The following NELL1 variants were observed in gnomAD, a reference collection of about 807,000 sequenced individuals.
NELL1 encodes the protein protein kinase C-binding protein NELL1.
In NELL1, 76 loss-of-function variants were observed where a neutral mutation model predicts 107.4. That is an observed-to-expected ratio of 0.71 (90% CI 0.59 to 0.86). The LOEUF is 0.86. NELL1 is among the 40% of genes least tolerant of loss of function. The pLI is 0.00. For synonymous variants in NELL1, 353 were observed against 341.2 expected, an observed-to-expected ratio of 1.03 and a Z score of -0.38; for missense variants, 1,024 against 1,005.5, an observed-to-expected ratio of 1.02 and a Z score of -0.25.
chr11:20,918,055 G>C (rs907796509), intron 5 of NELL1, 127 bp from the exon 6 acceptor site: 4 of 688,832 alleles, frequency 5.8e-6, no homozygotes, highest in African/African-American at 5.4e-5. Context: ...ACTAAGGCCA[G>C]CTCACCCTTT....
At chr11:20,860,283 G>A (rs1443783218) in intron 4 of NELL1, among the ~76,000 whole-genome samples, 1 of 152,112 alleles carries the variant, frequency 6.6e-6, no homozygotes, top group Non-Finnish European at 1.5e-5. Flanking sequence ...CCTTTCCTAT[G>A]GGCTGTAAGC....
At chr11:20,766,099 G>C (rs11025747) in intron 2 of NELL1, among the ~76,000 whole-genome samples, 1 of 152,172 alleles carries the variant, frequency 6.6e-6, no homozygotes, top group Non-Finnish European at 1.5e-5. Flanking sequence ...CAGGTAAGCT[G>C]CACCTAAGCT....
At chr11:21,520,016 A>C (rs1377048145) in intron 15 of NELL1, among the ~76,000 whole-genome samples, 2 of 152,124 alleles carry the variant, frequency 1.3e-5, no homozygotes, top group Admixed American at 6.6e-5. Context: ...AACAACAACA[A>C]CTTTGATCTG....
chr11:20,869,308 G>A (rs1050240164), intron 4 of NELL1, among the ~76,000 whole-genome samples: 4 of 152,138 alleles, frequency 2.6e-5, no homozygotes, highest in Non-Finnish European at 5.9e-5. Context: ...CTAGGGGAAT[G>A]TGCATAGAAA....
chr11:21,309,606 G>A (rs1849704388), intron 14 of NELL1, among the ~76,000 whole-genome samples: 2 of 151,736 alleles, frequency 1.3e-5, no homozygotes, highest in Admixed American at 6.6e-5. Context: ...CCATTTTCAT[G>A]CTACTGATAA....
At chr11:20,830,587 C>T (rs930698255) in intron 3 of NELL1, among the ~76,000 whole-genome samples, 1 of 152,068 alleles carries the variant, frequency 6.6e-6, no homozygotes, top group African/African-American at 2.4e-5. Context: ...ATCTGCCTGC[C>T]TCAGACTCCC....
Position 20,783,753 on chromosome 11 carries a change from A to G in NELL1, c.258A>G (p.Glu86=), listed in dbSNP as rs773878142. The part of the protein sequence containing the change: ...KLIQLFRNKS[E]FTILATVQQK... ...TTCAGCTGTTCCGGAACAAGAGTGAATTCACCATTTTGGCCACTGTACAGC... is the reference window on the plus strand; with the variant it reads ...TTCAGCTGTTCCGGAACAAGAGTGAGTTCACCATTTTGGCCACTGTACAGC... Residue 86 remains glutamate, a synonymous_variant, in exon 3 of 20, where the codon GAA becomes GAG. Coordinates refer to ENST00000357134, the MANE Select transcript of NELL1 (RefSeq NM_006157.5). 1.2e-5 allele frequency: 19 copies of G among 1,614,008 alleles called. No homozygotes were observed. Among genetic ancestry groups the G allele is most frequent in the Non-Finnish European group, 1.6e-5 (19 of 1,179,932 alleles).
chr11:20,909,983 T>C (rs1440956629), intron 5 of NELL1, among the ~76,000 whole-genome samples: 1 of 152,196 alleles, frequency 6.6e-6, no homozygotes, highest in African/African-American at 2.4e-5. Context: ...CAGGGGCTTA[T>C]GTCAGTAAGC....
At chr11:21,544,600 A>C (rs1336459368) in intron 16 of NELL1, among the ~76,000 whole-genome samples, 1 of 151,940 alleles carries the variant, frequency 6.6e-6, no homozygotes, top group East Asian at 1.9e-4. Flanking sequence ...CTCTTCTAAG[A>C]GCTTGACATT....
chr11:20,787,007 C>CAAAAAAAA lies in NELL1; in HGVS notation c.335+3194_335+3201dup, dbSNP rs71443763. Among the ~76,000 whole-genome samples, 440 of 60,840 alleles carry CAAAAAAAA rather than the reference C, an allele frequency of 7.2e-3. 64 individuals are homozygous for CAAAAAAAA. Among genetic ancestry groups the CAAAAAAAA allele is most frequent in the African/African-American group, 0.034 (418 of 12,276 alleles). 39.9% of individuals were successfully genotyped at this position (60,840 alleles called of 152,430 possible). On this transcript the variant is annotated intron_variant, in intron 3 of 19. Coordinates refer to ENST00000357134, the MANE Select transcript of NELL1 (RefSeq NM_006157.5). ...TAGGCGAAAGAGCGAGACTCCGTCT[C>CAAAAAAAA]AAAAAAAAAAAAAAAAAAAAAAAAG...
In NELL1 at chr11:21,551,831, T is replaced by G. The variant is rs201176862; in HGVS notation, c.1787-8358T>G. On this transcript the variant is annotated intron_variant, in intron 16 of 19. Coordinates refer to ENST00000357134, the MANE Select transcript of NELL1 (RefSeq NM_006157.5). The stretch of plus-strand genomic sequence containing the variant: ...TAAATCATGCTGCTTTAAAGACACA[T>G]GCACACGTATGTTTATTGCGGCACT... Among the ~76,000 whole-genome samples, 15 of 151,500 alleles carry G rather than the reference T, an allele frequency of 9.9e-5. No individual in the cohort carries two copies. In the East Asian group the frequency reaches 2.8e-3, roughly 28 times the overall value.
chr11:20,805,371 CTCT>C (rs1300508777), intron 3 of NELL1, among the ~76,000 whole-genome samples: 1 of 151,900 alleles, frequency 6.6e-6, no homozygotes, highest in Non-Finnish European at 1.5e-5. Flanking sequence ...TTGTGCTATT[CTCT>C]TTCATCTTTC....
In NELL1 at chr11:21,206,488, A is replaced by G. The variant is rs555962717; in HGVS notation, c.1427-22844A>G. ...TGGGGGTGGTACTGTTCAACCAAAT[A>G]TGGGTGGGAATGAATAATTCAATAG... On this transcript the variant is annotated intron_variant, in intron 13 of 19. Coordinates refer to ENST00000357134, the MANE Select transcript of NELL1 (RefSeq NM_006157.5). 3.3e-5 allele frequency among the ~76,000 whole-genome samples: 5 copies of G among 152,288 alleles called. No individual in the cohort carries two copies. In the East Asian group the frequency reaches 9.6e-4, roughly 29 times the overall value.
At chr11:20,681,068 T>C (rs1157103885) in intron 2 of NELL1, among the ~76,000 whole-genome samples, 13 of 152,114 alleles carry the variant, frequency 8.5e-5, no homozygotes, top group Admixed American at 8.5e-4. Flanking sequence ...GATCTTTTGA[T>C]CCTTCCAAGG....
In NELL1 at chr11:21,560,316, G is replaced by A. The variant is rs1319834817; in HGVS notation, c.1914G>A (p.Gly638=). Residue 638 remains glycine, a synonymous_variant, in exon 17 of 20, where the codon GGG becomes GGA. Coordinates refer to ENST00000357134, the MANE Select transcript of NELL1 (RefSeq NM_006157.5). ...PSCSGDCPHE[G]GLKHNGQVWT... ...GCTCTGGTGACTGTCCTCATGAAGG[G>A]GGGCTGAAGCACAATGGCCAGGTGT... 3.1e-6 allele frequency: 5 copies of A among 1,613,038 alleles called. No individual in the cohort carries two copies. Among genetic ancestry groups the A allele is most frequent in the Admixed American group, 1.7e-5 (1 of 59,930 alleles).
intron 12 of NELL1, among the ~76,000 whole-genome samples, chr11:21,100,686 G>T (rs1283965310): frequency 6.6e-6 from 1 of 152,140 alleles, no homozygotes; most frequent in Non-Finnish European, 1.5e-5. Flanking sequence ...CCAAAAGGTG[G>T]CTTGTTCTAA....
intron 12 of NELL1, among the ~76,000 whole-genome samples, chr11:21,101,988 G>T (rs189317601): frequency 5.3e-5 from 8 of 152,096 alleles, no homozygotes; most frequent in African/African-American, 1.9e-4. Context: ...GAGTGGCTGG[G>T]ATTACAGGTG....
In NELL1 at chr11:21,123,553, T is replaced by G. The variant is rs192551262; in HGVS notation, c.1426+9839T>G. 4.5e-4 allele frequency among the ~76,000 whole-genome samples: 69 copies of G among 152,332 alleles called. 1 individual carries two copies. The highest frequency in any genetic ancestry group is 1.5e-3 in the Admixed American group (23 of 15,296). The stretch of plus-strand genomic sequence containing the variant: ...GGATACACATATATAGATAGACATA[T>G]ATGTCAATCACTCTTTTCTGGAGAA... On this transcript the variant is annotated intron_variant, in intron 13 of 19. Coordinates refer to ENST00000357134, the MANE Select transcript of NELL1 (RefSeq NM_006157.5).
chr11:21,226,394 C>T (rs950735779), intron 13 of NELL1, among the ~76,000 whole-genome samples: 6 of 152,168 alleles, frequency 3.9e-5, no homozygotes, highest in Non-Finnish European at 5.9e-5. Context: ...TCAGTAGTGA[C>T]ATGTTTGTTC....
Sources: gnomAD v4.1 joint callset for allele counts (sites outside exome capture counted in the v4.1 genomes callset) on GRCh38, gnomAD v4.1.1 for gene constraint, MANE v1.5 for transcripts, NCBI Gene and HGNC (gene_info 2026-07-23, HGNC 2026-07-21) for gene names.